ZNF521: variants seen among roughly 807,000 people sequenced by gnomAD.
ZNF521 encodes zinc finger protein 521.
A neutral mutation model predicts 105.5 loss-of-function variants in ZNF521; 14 were observed. That is an observed-to-expected ratio of 0.13 (90% CI 0.09 to 0.21). ZNF521 has a LOEUF of 0.21. Ranked by LOEUF, ZNF521 falls within the 10% of genes least tolerant of loss-of-function variation. The probability of loss-of-function intolerance (pLI) is 1.00; values close to 1 mark genes in which losing one functional copy is unlikely to be tolerated. For missense variants in ZNF521, 1,233 were observed against 1,629.7 expected (o/e 0.76, Z 4.19); for synonymous variants, 635 against 606.0 (o/e 1.05, Z -0.70).
chr18:25,110,304 G>C (rs1468364984), intron 5 of ZNF521, among the ~76,000 whole-genome samples: 2 of 152,246 alleles, frequency 1.3e-5, no homozygotes, highest in East Asian at 1.9e-4. Flanking sequence ...CGGGACTGAG[G>C]AGGTGAGGAG....
intron 5 of ZNF521, among the ~76,000 whole-genome samples, chr18:25,119,429 G>A (rs2034391112): frequency 6.6e-6 from 1 of 152,000 alleles, no homozygotes; most frequent in South Asian, 2.1e-4. Context: ...CATAGAACAA[G>A]TATCAATAAA....
At chr18:25,150,538 C>G (rs967713986) in intron 5 of ZNF521, among the ~76,000 whole-genome samples, 2 of 152,060 alleles carry the variant, frequency 1.3e-5, no homozygotes, top group Non-Finnish European at 2.9e-5. Context: ...TTTGAAGAGA[C>G]CAGAGGATGT....
At chr18:25,328,555 AT>A (rs553485009) in intron 2 of ZNF521, among the ~76,000 whole-genome samples, 14,472 of 140,608 alleles carry the variant, frequency 0.1, 720 homozygotes, top group South Asian at 0.21. Flanking sequence ...TTTTTTATTA[AT>A]TTTTTTTTTT....
At chr18:25,323,766 T>G (rs1299945624) in intron 2 of ZNF521, among the ~76,000 whole-genome samples, 3 of 152,192 alleles carry the variant, frequency 2.0e-5, no homozygotes, top group Non-Finnish European at 4.4e-5. Context: ...CTATGAATGC[T>G]TCTTCTACAA....
intron 3 of ZNF521, among the ~76,000 whole-genome samples, chr18:25,288,926 T>A (rs1003972546): frequency 1.3e-5 from 2 of 152,222 alleles, no homozygotes; most frequent in East Asian, 3.8e-4. Context: ...CATGCTGCCA[T>A]TAACAAAATA....
intron 3 of ZNF521, among the ~76,000 whole-genome samples, chr18:25,282,761 T>G (rs557763803): frequency 2.5e-4 from 38 of 151,766 alleles, no homozygotes; most frequent in Admixed American, 2.5e-3. Flanking sequence ...TGCTTTTTTT[T>G]CCCCCCTTTA....
intron 3 of ZNF521, 86 bp downstream of exon 3, chr18:25,321,922 G>A (rs1912950838): frequency 1.6e-6 from 2 of 1,288,240 alleles, no homozygotes; most frequent in African/African-American, 1.5e-5. Flanking sequence ...AAAATAATTT[G>A]AAGAGAAAAA....
At chr18:25,163,019 AT>A (rs1329117155) in intron 5 of ZNF521, among the ~76,000 whole-genome samples, 1 of 152,094 alleles carries the variant, frequency 6.6e-6, no homozygotes, top group Admixed American at 6.6e-5. Flanking sequence ...TTCCATCTGT[AT>A]TTTGCTCTTT....
chr18:25,246,446 G>A (rs1907729131), intron 3 of ZNF521, among the ~76,000 whole-genome samples: 1 of 152,250 alleles, frequency 6.6e-6, no homozygotes, highest in Admixed American at 6.5e-5. Flanking sequence ...CTCTTATATA[G>A]ATTTCTTTTT....
At chr18:25,349,708 AGCCAGG>A (rs1568093547) in intron 2 of ZNF521, among the ~76,000 whole-genome samples, 1 of 151,462 alleles carries the variant, frequency 6.6e-6, no homozygotes, top group African/African-American at 2.4e-5. Context: ...GCGGCCCGGC[AGCCAGG>A]AGGAAGAGGA....
At chr18:25,331,629 T>A (rs1913571942) in intron 2 of ZNF521, among the ~76,000 whole-genome samples, 1 of 152,174 alleles carries the variant, frequency 6.6e-6, no homozygotes, top group Non-Finnish European at 1.5e-5. Flanking sequence ...ACACCAACTG[T>A]TTGTATTTTT....
intron 4 of ZNF521, among the ~76,000 whole-genome samples, chr18:25,211,795 T>C (rs1444061828): frequency 6.6e-6 from 1 of 152,228 alleles, no homozygotes. Context: ...ATAATTCCCT[T>C]ATAGAAAGTG....
intron 4 of ZNF521, among the ~76,000 whole-genome samples, chr18:25,210,419 A>C (rs998200988): frequency 6.6e-6 from 1 of 152,160 alleles, no homozygotes; most frequent in Admixed American, 6.5e-5. Flanking sequence ...ATAACAAAAA[A>C]TTTACAGACT....
intron 3 of ZNF521, among the ~76,000 whole-genome samples, chr18:25,318,524 C>A (rs1371071220): frequency 6.6e-6 from 1 of 152,168 alleles, no homozygotes; most frequent in East Asian, 1.9e-4. Flanking sequence ...GTTTGCCTAT[C>A]ATGGTGGTAT....
chr18:25,264,303 A>G (rs1245848222), intron 3 of ZNF521, among the ~76,000 whole-genome samples: 1 of 152,212 alleles, frequency 6.6e-6, no homozygotes, highest in Non-Finnish European at 1.5e-5. Context: ...TAAGCACTTT[A>G]CACAGAATTT....
chr18:25,207,171 G>A (rs1332422491), intron 4 of ZNF521, among the ~76,000 whole-genome samples: 2 of 152,172 alleles, frequency 1.3e-5, no homozygotes, highest in African/African-American at 2.4e-5. Context: ...AAACGGACAA[G>A]TAAGTTCATC....
chr18:25,195,378 G>GC, intron 4 of ZNF521, 134 bp from the exon 5 acceptor site: 1 of 631,532 alleles, frequency 1.6e-6, no homozygotes, highest in Non-Finnish European at 2.6e-6. Flanking sequence ...GGGCCCCTTG[G>GC]CCCAAGTTCT....
intron 5 of ZNF521, among the ~76,000 whole-genome samples, chr18:25,189,018 C>T (rs1053625693): frequency 5.3e-5 from 8 of 152,180 alleles, no homozygotes; most frequent in African/African-American, 1.4e-4. Context: ...AGCTGCTAGA[C>T]GCAAGCTAAA....
At chr18:25,350,406 G>C (rs970837566) in intron 2 of ZNF521, among the ~76,000 whole-genome samples, 16 of 152,200 alleles carry the variant, frequency 1.1e-4, no homozygotes, top group Non-Finnish European at 2.1e-4. Flanking sequence ...GGGAGGCGGC[G>C]GCCGGGACCC....
Sources: allele counts gnomAD v4.1 joint callset (sites outside exome capture counted in the v4.1 genomes callset), GRCh38; gene constraint gnomAD v4.1.1; transcripts MANE v1.5; gene names NCBI Gene and HGNC (gene_info 2026-07-23, HGNC 2026-07-21).